The following EAPP variants were observed in gnomAD, a reference collection of about 807,000 sequenced individuals.
The protein encoded by EAPP is E2F-associated phosphoprotein.
Under a neutral mutation model 34.3 loss-of-function variants are expected in EAPP, and 38 were observed. The observed-to-expected ratio is 1.11, with a 90% CI of 0.85 to 1.45. EAPP has a LOEUF of 1.45. Ranked by LOEUF, EAPP falls within the 40% of genes most tolerant of loss-of-function variation. EAPP has a pLI of 0.00. For missense variants in EAPP, 338 were observed against 343.7 expected (o/e 0.98, Z 0.13); for synonymous variants, 113 against 117.6 (o/e 0.96, Z 0.25).
chr14:34,539,497 C>G, intron 1 of EAPP, 58 bp downstream of exon 1: 1 of 1,558,888 alleles, frequency 6.4e-7, no homozygotes. Flanking sequence ...CGAATGGAGG[C>G]GACCAAAGCC....
intron 5 of EAPP, 30 bp from the exon 6 acceptor site, chr14:34,516,616 G>T: frequency 5.1e-6 from 8 of 1,581,792 alleles, no homozygotes; most frequent in Non-Finnish European, 6.9e-6. Flanking sequence ...GAGAATTGGG[G>T]TTTATGTTCT....
At chr14:34,523,394 T>C (rs1234469317) in intron 5 of EAPP, among the ~76,000 whole-genome samples, 3 of 152,016 alleles carry the variant, frequency 2.0e-5, no homozygotes, top group Admixed American at 6.6e-5. Context: ...CCCGCCACCA[T>C]GCCCGGCTAA....
Position 34,524,761 on chromosome 14 carries a change from G to C in EAPP, c.517C>G (p.Pro173Ala), listed in dbSNP as rs753511351. 2 of 1,611,334 alleles carry C rather than the reference G, an allele frequency of 1.2e-6. No individual in the cohort carries two copies. Among genetic ancestry groups the C allele is most frequent in the East Asian group, 2.2e-5 (1 of 44,670 alleles). ...CAATTCAAGACAGCATCACTATTTG[G>C]AACAGGCTGTTGTTGACGTGATCTC... ...PQRSRQQQPV[P>A]NSDAVLNCPA... is the part of the protein sequence containing the mutation. Residue 173 changes from proline (P) to alanine (A), a missense_variant, in exon 5 of 6, where the codon CCA becomes GCA. Pro to Ala is a conservative substitution (Grantham distance 27, BLOSUM62 -1). Transcript: ENST00000250454.
At chr14:34,522,789 C>G (rs912091700) in intron 5 of EAPP, among the ~76,000 whole-genome samples, 6 of 152,114 alleles carry the variant, frequency 3.9e-5, no homozygotes, top group African/African-American at 1.4e-4. Flanking sequence ...TAGGGGTTCA[C>G]ACTTGGGACC....
At chr14:34,519,922 T>C (rs1292387447) in intron 5 of EAPP, among the ~76,000 whole-genome samples, 1 of 151,438 alleles carries the variant, frequency 6.6e-6, no homozygotes, top group Non-Finnish European at 1.5e-5. Context: ...TTCGCCCTTG[T>C]TGCCCAGGCT....
At chr14:34,519,935 A>G (rs796381683) in intron 5 of EAPP, among the ~76,000 whole-genome samples, 2 of 150,802 alleles carry the variant, frequency 1.3e-5, no homozygotes, top group African/African-American at 4.9e-5. Flanking sequence ...CCCAGGCTGA[A>G]GTGCAGTGGC....
In EAPP at chr14:34,536,100, C is replaced by G; in HGVS notation, c.250G>C (p.Gly84Arg). Residue 84 changes from glycine to arginine, a missense_variant, in exon 2 of 6, where the codon GGA becomes CGA. Physicochemically the swap from Gly to Arg is moderately radical, Grantham distance 125. Transcript: ENST00000250454. ...KTMEDKLSSL[G>R]TGSSSGNGKV... ...AATTGAACCAAAAGTTTACCAGTTCCCAGAGAGGATAACTTGTCCTCCATT... is the reference window on the plus strand; with the variant it reads ...AATTGAACCAAAAGTTTACCAGTTCGCAGAGAGGATAACTTGTCCTCCATT... The G allele has an allele frequency of 6.2e-7, 1 of 1,606,912 alleles. No individual in the cohort carries two copies. Among genetic ancestry groups the G allele is most frequent in the East Asian group, 2.2e-5 (1 of 44,546 alleles).
intron 5 of EAPP, among the ~76,000 whole-genome samples, chr14:34,516,847 G>A (rs957004898): frequency 6.6e-6 from 1 of 152,010 alleles, no homozygotes; most frequent in Non-Finnish European, 1.5e-5. Context: ...GGGATTACAG[G>A]CACAAGCCAC....
At chr14:34,522,317 G>A (rs1879945159) in intron 5 of EAPP, among the ~76,000 whole-genome samples, 1 of 151,996 alleles carries the variant, frequency 6.6e-6, no homozygotes, top group Non-Finnish European at 1.5e-5. Context: ...GAATTGCCTG[G>A]GCTGTCTTGG....
chr14:34,522,868 C>T (rs1042038845), intron 5 of EAPP, among the ~76,000 whole-genome samples: 3 of 152,160 alleles, frequency 2.0e-5, no homozygotes, highest in Admixed American at 6.6e-5. Flanking sequence ...TTCAGGCACT[C>T]TCAGTGCTTC....
At chr14:34,521,108 G>A (rs1346557884) in intron 5 of EAPP, among the ~76,000 whole-genome samples, 3 of 151,836 alleles carry the variant, frequency 2.0e-5, no homozygotes, top group Non-Finnish European at 2.9e-5. Flanking sequence ...TGCTCTTGTT[G>A]CCCAGGCTGT....
intron 1 of EAPP, among the ~76,000 whole-genome samples, chr14:34,538,577 T>C (rs761983072): frequency 9.9e-5 from 13 of 130,732 alleles, no homozygotes; most frequent in Admixed American, 4.3e-4. Flanking sequence ...GAAACATTGT[T>C]CTTTTGATTT....
In EAPP at chr14:34,516,216, A is replaced by C. The variant is rs948505729; in HGVS notation, c.*94T>G. The C allele has an allele frequency of 5.9e-6, 7 of 1,184,038 alleles. No homozygotes were observed. The highest frequency in any genetic ancestry group is 8.3e-6 in the Non-Finnish European group (7 of 848,392). 73.3% of individuals were successfully genotyped at this position (1,184,038 alleles called of 1,614,324 possible). On this transcript the variant is annotated 3_prime_UTR_variant, in exon 6 of 6. Transcript: ENST00000250454. Reference sequence around the variant, plus strand: ...TTAAAAAGAGAAACACTGCTTCCTCAATGTCACTGAAGGATATGAACAGGC... The same window carrying C: ...TTAAAAAGAGAAACACTGCTTCCTCCATGTCACTGAAGGATATGAACAGGC...
chr14:34,521,519 T>G (rs1879917786), intron 5 of EAPP, among the ~76,000 whole-genome samples: 1 of 152,168 alleles, frequency 6.6e-6, no homozygotes, highest in African/African-American at 2.4e-5. Flanking sequence ...TTGTGCATTT[T>G]CAAACAGTCT....
At position 34,515,977 on chromosome 14, in the gene EAPP, A is replaced by T. The variant is rs894012239; in HGVS notation, c.*333T>A. The T allele has an allele frequency of 9.4e-5, 21 of 224,514 alleles. No homozygotes were observed. Among genetic ancestry groups the T allele is most frequent in the Admixed American group, 4.6e-4 (9 of 19,594 alleles). 13.9% of individuals were successfully genotyped at this position (224,514 alleles called of 1,614,324 possible). ...TCCAGTTTAATTACATCAAAGCTAT[A>T]TCCAAAATAAAAATAACACTCAGAA... On this transcript the variant is annotated 3_prime_UTR_variant, in exon 6 of 6. Coordinates refer to ENST00000250454, the MANE Select transcript of EAPP (RefSeq NM_018453.4).
chr14:34,524,924 T>A, intron 4 of EAPP, 117 bp from the exon 5 acceptor site: 1 of 733,908 alleles, frequency 1.4e-6, no homozygotes, highest in Non-Finnish European at 2.3e-6. Flanking sequence ...ATTCTAGGAA[T>A]AAGGAACACA....
At chr14:34,520,246 G>T (rs1879873617) in intron 5 of EAPP, among the ~76,000 whole-genome samples, 2 of 150,606 alleles carry the variant, frequency 1.3e-5, no homozygotes, top group Admixed American at 1.3e-4. Context: ...GTCTCACTCT[G>T]TCACTCAGGC....
chr14:34,529,740 G>A (rs1211863485), intron 3 of EAPP, among the ~76,000 whole-genome samples: 1 of 152,060 alleles, frequency 6.6e-6, no homozygotes, highest in African/African-American at 2.4e-5. Context: ...TTAGGGCCAG[G>A]TGCGGTGGCT....
intron 5 of EAPP, 90 bp downstream of exon 5, chr14:34,524,607 C>T: frequency 1.0e-6 from 1 of 1,002,308 alleles, no homozygotes; most frequent in Non-Finnish European, 1.5e-6. Flanking sequence ...CAGAGTAAGA[C>T]TCTGACTTCA....
Sources: gnomAD v4.1 joint callset for allele counts (sites outside exome capture counted in the v4.1 genomes callset) on GRCh38, gnomAD v4.1.1 for gene constraint, MANE v1.5 for transcripts, NCBI Gene and HGNC (gene_info 2026-07-23, HGNC 2026-07-21) for gene names.